The following CTNND2 variants were observed in gnomAD, a reference collection of about 807,000 sequenced individuals.
CTNND2 encodes catenin delta-2.
A neutral mutation model predicts 144.4 loss-of-function variants in CTNND2; 22 were observed. The observed-to-expected ratio is 0.15, with a 90% CI of 0.11 to 0.22. The LOEUF (loss-of-function observed/expected upper bound fraction) is 0.22, where lower values mean the gene tolerates loss of function less well. Ranked by LOEUF, CTNND2 falls within the 10% of genes least tolerant of loss-of-function variation. The pLI is 1.00. For synonymous variants in CTNND2, 751 were observed against 695.6 expected (o/e 1.08, Z -1.25); for missense variants, 1,353 against 1,618.8 (o/e 0.84, Z 2.82).
intron 14 of CTNND2, among the ~76,000 whole-genome samples, chr5:11,109,697 T>C (rs901639566): frequency 2.8e-4 from 43 of 152,116 alleles, no homozygotes; most frequent in Non-Finnish European, 1.2e-4. Context: ...TTTATAAGCA[T>C]ACATTAACTT....
At chr5:11,861,152 G>A (rs1795486673) in intron 1 of CTNND2, among the ~76,000 whole-genome samples, 2 of 152,236 alleles carry the variant, frequency 1.3e-5, no homozygotes, top group South Asian at 4.1e-4. Flanking sequence ...CAGTGTATGT[G>A]ATGGTTTCGA....
chr5:11,773,556 G>A (rs919515902), intron 1 of CTNND2, among the ~76,000 whole-genome samples: 4 of 152,158 alleles, frequency 2.6e-5, no homozygotes, highest in Non-Finnish European at 4.4e-5. Flanking sequence ...GCTCATGCCT[G>A]TAATCCCAGT....
At chr5:11,289,813 C>G (rs925076313) in intron 9 of CTNND2, among the ~76,000 whole-genome samples, 5 of 152,160 alleles carry the variant, frequency 3.3e-5, no homozygotes, top group Admixed American at 3.3e-4. Context: ...GGCTCCAGTT[C>G]CTCACTATTA....
chr5:11,098,236 T>C (rs958544480), intron 15 of CTNND2, among the ~76,000 whole-genome samples: 2 of 152,202 alleles, frequency 1.3e-5, no homozygotes, highest in African/African-American at 2.4e-5. Context: ...TACCAGTTAA[T>C]GATAGTGCTT....
intron 2 of CTNND2, among the ~76,000 whole-genome samples, chr5:11,638,155 G>T (rs1009665372): frequency 6.6e-5 from 10 of 152,138 alleles, no homozygotes; most frequent in Admixed American, 5.2e-4. Context: ...GTAATTAATG[G>T]CTTGTGCCCA....
chr5:11,495,133 T>C (rs769903480), intron 3 of CTNND2, among the ~76,000 whole-genome samples: 5 of 152,196 alleles, frequency 3.3e-5, no homozygotes, highest in Non-Finnish European at 1.5e-5. Context: ...TTAGTTGTCA[T>C]CTGATAAATA....
chr5:11,556,517 T>C (rs1433703196), intron 3 of CTNND2, among the ~76,000 whole-genome samples: 1 of 152,166 alleles, frequency 6.6e-6, no homozygotes, highest in Non-Finnish European at 1.5e-5. Context: ...GGCTTCTGTT[T>C]CTTCACTAAA....
intron 1 of CTNND2, among the ~76,000 whole-genome samples, chr5:11,758,362 T>C (rs1314926848): frequency 6.6e-6 from 1 of 151,960 alleles, no homozygotes; most frequent in Non-Finnish European, 1.5e-5. Context: ...AAAAAAAATT[T>C]CACTTCTACT....
intron 1 of CTNND2, among the ~76,000 whole-genome samples, chr5:11,879,324 TA>T (rs1421211045): frequency 7.4e-6 from 1 of 135,700 alleles, no homozygotes; most frequent in Non-Finnish European, 1.6e-5. Flanking sequence ...TCAAGTGTAT[TA>T]AAAAATTAAA....
chr5:11,677,748 T>TA (rs1784241393), intron 2 of CTNND2, among the ~76,000 whole-genome samples: 1 of 152,168 alleles, frequency 6.6e-6, no homozygotes, highest in Non-Finnish European at 1.5e-5. Context: ...ACAAGTAAGT[T>TA]CTATTTTGAT....
chr5:11,637,542 G>A (rs576928401), intron 2 of CTNND2, among the ~76,000 whole-genome samples: 1 of 152,140 alleles, frequency 6.6e-6, no homozygotes, highest in South Asian at 2.1e-4. Context: ...TCTTAGTACA[G>A]AATTCCACCT....
chr5:11,505,793 C>T (rs922958706), intron 3 of CTNND2, among the ~76,000 whole-genome samples: 52 of 152,150 alleles, frequency 3.4e-4, no homozygotes, highest in African/African-American at 1.3e-3. Flanking sequence ...ATGAATTATC[C>T]CCCAAATTAC....
At chr5:11,823,335 G>A (rs914766112) in intron 1 of CTNND2, among the ~76,000 whole-genome samples, 11 of 152,122 alleles carry the variant, frequency 7.2e-5, no homozygotes, top group Admixed American at 2.0e-4. Flanking sequence ...CTGGGTGTGC[G>A]TTGGGAGGAT....
At chr5:11,415,583 C>G (rs753806667) in intron 3 of CTNND2, among the ~76,000 whole-genome samples, 25 of 151,948 alleles carry the variant, frequency 1.6e-4, no homozygotes, top group Non-Finnish European at 3.1e-4. Flanking sequence ...CTCATGCACC[C>G]CAGCCTAGGT....
chr5:11,879,354 T>TATATATACAC lies in CTNND2; in HGVS notation c.37+24462_37+24463insGTGTATATAT, dbSNP rs1169270632. Among the ~76,000 whole-genome samples, 84 of 139,778 alleles carry TATATATACAC rather than the reference T, an allele frequency of 6.0e-4. 2 individuals carry two copies. The highest frequency in any genetic ancestry group is 2.1e-3 in the African/African-American group (81 of 39,122). 91.7% of individuals were successfully genotyped at this position (139,778 alleles called of 152,430 possible). On this transcript the variant is annotated intron_variant, in intron 1 of 21. Transcript: ENST00000304623. ...AATTAAATGTGTGTATATATATATATATACATATACACACACACACAAACA... is the reference window on the plus strand; with the variant it reads ...AATTAAATGTGTGTATATATATATATATATATACACATACATATACACACACACACAAACA...
intron 17 of CTNND2, among the ~76,000 whole-genome samples, chr5:11,021,948 G>A (rs571907870): frequency 1.3e-5 from 2 of 152,238 alleles, no homozygotes; most frequent in South Asian, 4.2e-4. Flanking sequence ...GTTAGTGAAG[G>A]TTTCTGTAAA....
chr5:11,759,034 C>T (rs759696977), intron 1 of CTNND2, among the ~76,000 whole-genome samples: 7 of 151,828 alleles, frequency 4.6e-5, no homozygotes, highest in Non-Finnish European at 8.8e-5. Flanking sequence ...CAAGAATAAC[C>T]TGTGGAAAAA....
At chr5:11,876,206 GAGGAGGC>G (rs1355019099) in intron 1 of CTNND2, among the ~76,000 whole-genome samples, 7 of 151,552 alleles carry the variant, frequency 4.6e-5, no homozygotes, top group Admixed American at 3.9e-4. Flanking sequence ...GGAGAGGAGG[GAGGAGGC>G]AGGAGGGAGG....
At chr5:11,638,883 A>T (rs1435063676) in intron 2 of CTNND2, among the ~76,000 whole-genome samples, 1 of 152,136 alleles carries the variant, frequency 6.6e-6, no homozygotes, top group Non-Finnish European at 1.5e-5. Context: ...CCATAACCTC[A>T]ATTTTAGAAC....
Sources: gnomAD v4.1 joint callset for allele counts (sites outside exome capture counted in the v4.1 genomes callset) on GRCh38, gnomAD v4.1.1 for gene constraint, MANE v1.5 for transcripts, NCBI Gene and HGNC (gene_info 2026-07-23, HGNC 2026-07-21) for gene names.